Variants in SPATA31H1 observed in about 807,000 individuals in gnomAD.
SPATA31H1 encodes the protein spermatogenesis-associated protein 31H1.
At chr2:27,564,261 T>C in the SPATA31H1 span, among the ~76,000 whole-genome samples, 7 of 152,204 alleles carry the variant, frequency 4.6e-5, no homozygotes. Flanking sequence ...GATTTTTTCC[T>C]AGCCACTTTT....
the SPATA31H1 span, among the ~76,000 whole-genome samples, chr2:27,559,235 A>C: frequency 6.6e-6 from 1 of 152,146 alleles, no homozygotes; most frequent in Non-Finnish European, 1.5e-5. Flanking sequence ...CAATCCAATA[A>C]AGGATTAAAT....
At chr2:27,544,529 ATTTTTT>A in the SPATA31H1 span, among the ~76,000 whole-genome samples, 40 of 125,106 alleles carry the variant, frequency 3.2e-4, no homozygotes, top group Admixed American at 2.3e-3. Flanking sequence ...GTTGACAACA[ATTTTTT>A]TTTTTTTTTT....
At chr2:27,562,902 T>C in the SPATA31H1 span, among the ~76,000 whole-genome samples, 2 of 149,642 alleles carry the variant, frequency 1.3e-5, no homozygotes, top group Middle Eastern at 3.2e-3. Flanking sequence ...AAAAAAAAAA[T>C]TGGGGGAGTA....
chr2:27,581,025 A>C, the SPATA31H1 span: 189 of 1,614,208 alleles, frequency 1.2e-4, no homozygotes, highest in East Asian at 4.2e-3. Context: ...CAGTAGTAGC[A>C]GATCAAAGAA....
chr2:27,563,392 T>TTTG, the SPATA31H1 span, among the ~76,000 whole-genome samples: 1 of 117,874 alleles, frequency 8.5e-6, no homozygotes, highest in Non-Finnish European at 1.7e-5. Context: ...CTTCTTTTTT[T>TTTG]TTTTTTTTTT....
At chr2:27,560,709 G>T in the SPATA31H1 span, among the ~76,000 whole-genome samples, 14 of 151,986 alleles carry the variant, frequency 9.2e-5, no homozygotes, top group Non-Finnish European at 1.8e-4. Flanking sequence ...CGCCTGCCTC[G>T]GCCTCCCAAA....
At chr2:27,551,835 T>TTG in the SPATA31H1 span, among the ~76,000 whole-genome samples, 2 of 151,212 alleles carry the variant, frequency 1.3e-5, no homozygotes, top group East Asian at 3.9e-4. Flanking sequence ...AGCTTTTTTT[T>TTG]TTGTTGTTGT....
chr2:27,569,285 T>C, the SPATA31H1 span: 3 of 398,954 alleles, frequency 7.5e-6, no homozygotes, highest in Non-Finnish European at 8.8e-6. Context: ...TTTACTGCAA[T>C]CTAGGGCCAT....
At chr2:27,544,439 G>A in the SPATA31H1 span, among the ~76,000 whole-genome samples, 1 of 151,506 alleles carries the variant, frequency 6.6e-6, no homozygotes, top group Non-Finnish European at 1.5e-5. Flanking sequence ...CTTGAACCTT[G>A]CAAAAAGTAG....
At chr2:27,541,806 C>G in the SPATA31H1 span, among the ~76,000 whole-genome samples, 1 of 152,002 alleles carries the variant, frequency 6.6e-6, no homozygotes, top group East Asian at 1.9e-4. Flanking sequence ...GAGACAGGTT[C>G]TCCCTCTGTC....
the SPATA31H1 span, chr2:27,577,857 G>A: frequency 6.2e-7 from 1 of 1,614,132 alleles, no homozygotes; most frequent in Non-Finnish European, 8.5e-7. The surrounding 1 kb of genome is among the most constrained non-coding windows in gnomAD (Gnocchi z 4.5). Flanking sequence ...TCAAGTTATA[G>A]GACATGAAGA....
the SPATA31H1 span, among the ~76,000 whole-genome samples, chr2:27,544,182 C>T: frequency 6.6e-6 from 1 of 151,966 alleles, no homozygotes; most frequent in Admixed American, 6.6e-5. Context: ...TAATAAAAAG[C>T]TTTTTTGTTA....
chr2:27,579,935 C>T, the SPATA31H1 span: 1 of 1,614,186 alleles, frequency 6.2e-7, no homozygotes, highest in South Asian at 1.1e-5. Context: ...ACCCTATCTG[C>T]CTACAGTGTG....
chr2:27,581,343 T>G, the SPATA31H1 span: 6 of 1,580,140 alleles, frequency 3.8e-6, no homozygotes, highest in Non-Finnish European at 5.2e-6. Flanking sequence ...GAGGAGCCAC[T>G]GCAGTCCCTC....
the SPATA31H1 span, chr2:27,582,199 C>T: frequency 6.3e-7 from 1 of 1,596,444 alleles, no homozygotes; most frequent in Admixed American, 1.7e-5. Flanking sequence ...TCTGGGAAAA[C>T]CTGTCACAGT....
chr2:27,556,844 G>C, the SPATA31H1 span, among the ~76,000 whole-genome samples: 12,758 of 108,686 alleles, frequency 0.12, 1,073 homozygotes, highest in Non-Finnish European at 0.18. Context: ...CTAGGCAGAG[G>C]ACCCTGCGGC....
chr2:27,568,871 G>A, the SPATA31H1 span: 3 of 399,010 alleles, frequency 7.5e-6, no homozygotes, highest in South Asian at 1.3e-4. Context: ...CTGCAGAGAT[G>A]AGCCCCAAAC....
chr2:27,575,219 G>A, the SPATA31H1 span: 1 of 398,560 alleles, frequency 2.5e-6, no homozygotes, highest in South Asian at 1.3e-4. The surrounding 1 kb of genome is among the most constrained non-coding windows in gnomAD (Gnocchi z 4.1). Context: ...AACTCTCTAA[G>A]TTGGCCTTGG....
chr2:27,553,078 T>C, the SPATA31H1 span, among the ~76,000 whole-genome samples: 2 of 152,222 alleles, frequency 1.3e-5, no homozygotes, highest in Admixed American at 1.3e-4. Context: ...AAGGACCTGC[T>C]CCAGTGGCTC....
Sources: allele counts gnomAD v4.1 joint callset (sites outside exome capture counted in the v4.1 genomes callset), GRCh38; gene constraint gnomAD v4.1.1; non-coding constraint Gnocchi (gnomAD v3.1); transcripts MANE v1.5; gene names NCBI Gene and HGNC (gene_info 2026-07-23, HGNC 2026-07-21).